The following RNF175 variants were observed in gnomAD, a reference collection of about 807,000 sequenced individuals.
RNF175 encodes ring finger protein 175.
A neutral mutation model predicts 50.0 loss-of-function variants in RNF175; 38 were observed. That is an observed-to-expected ratio of 0.76 (90% CI 0.59 to 1.00). The LOEUF (loss-of-function observed/expected upper bound fraction) is 1.00, where lower values mean the gene tolerates loss of function less well. Among genes scored for constraint, RNF175 ranks in the 50% least tolerant of loss-of-function variants. The pLI is 0.00. For synonymous variants in RNF175, 155 were observed against 146.1 expected (o/e 1.06, Z -0.44); for missense variants, 388 against 409.6 (o/e 0.95, Z 0.46).
intron 3 of RNF175, 34 bp from the exon 4 acceptor site, chr4:153,728,395 T>C: frequency 6.3e-7 from 1 of 1,599,758 alleles, no homozygotes; most frequent in Non-Finnish European, 8.6e-7. Flanking sequence ...TATCTTTCAA[T>C]GACCAAGTGC....
intron 3 of RNF175, chr4:153,729,721 T>A (rs1738923133): frequency 1.0e-6 from 1 of 985,180 alleles, no homozygotes; most frequent in Non-Finnish European, 1.2e-6. Context: ...GAAGTCTTCT[T>A]AGAATTGCTC....
At chr4:153,715,166 T>A (rs750966054) in intron 7 of RNF175, 1 of 354,134 alleles carries the variant, frequency 2.8e-6, no homozygotes, top group Non-Finnish European at 5.5e-6. Context: ...CTGCACCTGA[T>A]ACTTCACTCT....
chr4:153,750,303 A>G (rs185058332), intron 2 of RNF175, among the ~76,000 whole-genome samples: 1 of 152,256 alleles, frequency 6.6e-6, no homozygotes, highest in Admixed American at 6.5e-5. Context: ...AAGGCACTTG[A>G]TGGGTATGTG....
At chr4:153,713,155 C>A (rs540310861) in intron 7 of RNF175, 1 of 152,314 alleles carries the variant, frequency 6.6e-6, no homozygotes, top group South Asian at 2.1e-4. Context: ...CTTAACTTCT[C>A]AAACTCTAGG....
At chr4:153,741,909 A>G (rs1739679559) in intron 3 of RNF175, among the ~76,000 whole-genome samples, 1 of 152,134 alleles carries the variant, frequency 6.6e-6, no homozygotes, top group Non-Finnish European at 1.5e-5. Flanking sequence ...GGGAAAAACC[A>G]CAATCACTTT....
intron 3 of RNF175, among the ~76,000 whole-genome samples, chr4:153,743,534 C>G (rs1739794996): frequency 6.6e-6 from 1 of 151,988 alleles, no homozygotes; most frequent in South Asian, 2.1e-4. Flanking sequence ...TGAATCTGTC[C>G]TTGACTATGG....
At chr4:153,741,312 G>A (rs72731669) in intron 3 of RNF175, among the ~76,000 whole-genome samples, 26,844 of 152,088 alleles carry the variant, frequency 0.18, 3,069 homozygotes, top group Non-Finnish European at 0.25. Context: ...ATCTGCTTCA[G>A]AGTGGTCACT....
At chr4:153,748,302 G>T (rs543976746) in intron 3 of RNF175, 8 of 189,430 alleles carry the variant, frequency 4.2e-5, no homozygotes, top group Non-Finnish European at 7.5e-5. Flanking sequence ...TTAAACCAGG[G>T]TTTTTCAGTC....
chr4:153,713,159 CT>C (rs1293035719), intron 7 of RNF175: 1 of 152,178 alleles, frequency 6.6e-6, no homozygotes, highest in African/African-American at 2.4e-5. Flanking sequence ...ACTTCTCAAA[CT>C]CTAGGCATTT....
At chr4:153,740,166 AT>A (rs147266829) in intron 3 of RNF175, among the ~76,000 whole-genome samples, 26,827 of 147,144 alleles carry the variant, frequency 0.18, 3,045 homozygotes, top group Non-Finnish European at 0.26. Context: ...TTCTGGTACC[AT>A]TTTTTTTTTG....
At chr4:153,755,914 A>G (rs1424395630) in intron 1 of RNF175, among the ~76,000 whole-genome samples, 1 of 152,234 alleles carries the variant, frequency 6.6e-6, no homozygotes, top group Non-Finnish European at 1.5e-5. Flanking sequence ...TTCATGACAT[A>G]TTCTGAACAG....
intron 6 of RNF175, among the ~76,000 whole-genome samples, chr4:153,719,972 C>T (rs1579041670): frequency 6.6e-6 from 1 of 152,282 alleles, no homozygotes; most frequent in East Asian, 1.9e-4. Context: ...ATACATAAGA[C>T]ATGTATTTTC....
chr4:153,759,689 G>A (rs558702178), intron 1 of RNF175, 108 bp downstream of exon 1: 119 of 692,748 alleles, frequency 1.7e-4, no homozygotes, highest in South Asian at 8.6e-4. Flanking sequence ...GGTTCTCCCC[G>A]GTGGGGCCCG....
chr4:153,744,488 G>A (rs1373711430), intron 3 of RNF175, among the ~76,000 whole-genome samples: 1 of 152,126 alleles, frequency 6.6e-6, no homozygotes, highest in East Asian at 1.9e-4. Flanking sequence ...CGAGTCAAGG[G>A]CTCCTGGAGC....
At position 153,736,722 on chromosome 4, in the gene RNF175, C is replaced by T. The variant is rs188852053; in HGVS notation, c.247-8361G>A. Among the ~76,000 whole-genome samples the T allele has an allele frequency of 1.1e-4, 16 of 152,224 alleles. No individual in the cohort carries two copies. The East Asian group carries it at 2.9e-3, about 28-fold the overall frequency. On this transcript the variant is annotated intron_variant, in intron 3 of 8. Transcript: ENST00000347063. ...GGCCTATTCAGTTCATCTATTTCTC[C>T]TTGTGCGAGTTTTGGTATAGTTTGT...
chr4:153,742,210 G>A (rs1560789334), intron 3 of RNF175, among the ~76,000 whole-genome samples: 1 of 145,960 alleles, frequency 6.9e-6, no homozygotes. Context: ...GGAGGCAGAG[G>A]TTGCAGTGAG....
At position 153,759,969 on chromosome 4, in the gene RNF175, G is replaced by T; in HGVS notation, c.-107C>A. 1.6e-6 allele frequency: 1 copy of T among 621,820 alleles called. No individual in the cohort carries two copies. Among genetic ancestry groups the T allele is most frequent in the Non-Finnish European group, 2.4e-6 (1 of 421,256 alleles). The allele number at this position is 621,820 out of a possible 1,614,324, so 38.5% of individuals were successfully genotyped here. A position where few individuals can be genotyped will look rare whatever the true frequency, so the allele number is the denominator to read the frequency against. ...GCCTCGGGAGCCGAGGGTGAGAGCC[G>T]GATCTGCGGCGGCGGCGGAGCGGCG... On this transcript the variant is annotated 5_prime_UTR_variant, in exon 1 of 9. Coordinates refer to ENST00000347063, the MANE Select transcript of RNF175 (RefSeq NM_173662.4).
intron 1 of RNF175, among the ~76,000 whole-genome samples, chr4:153,753,039 A>G (rs1264756267): frequency 2.0e-5 from 3 of 152,206 alleles, no homozygotes; most frequent in Non-Finnish European, 4.4e-5. Context: ...GCAAAAGGAC[A>G]TAAACCTCCA....
intron 3 of RNF175, among the ~76,000 whole-genome samples, chr4:153,742,462 A>C (rs1385418740): frequency 6.6e-6 from 1 of 152,228 alleles, no homozygotes; most frequent in Non-Finnish European, 1.5e-5. Flanking sequence ...CTGCTTTTAC[A>C]GCATATGATT....
Sources: gnomAD v4.1 joint callset for allele counts (sites outside exome capture counted in the v4.1 genomes callset) on GRCh38, gnomAD v4.1.1 for gene constraint, MANE v1.5 for transcripts, NCBI Gene and HGNC (gene_info 2026-07-23, HGNC 2026-07-21) for gene names.